Variants in KCNH8 observed in about 807,000 individuals in gnomAD.
KCNH8 encodes potassium voltage-gated channel subfamily H member 8.
KCNH8 carries 70 observed loss-of-function variants against 103.6 expected under a neutral mutation model. The observed-to-expected ratio is 0.68, with a 90% confidence interval of 0.56 to 0.82. The LOEUF (loss-of-function observed/expected upper bound fraction) is 0.82. Ranked by LOEUF, KCNH8 falls within the 40% of genes least tolerant of loss-of-function variation. The pLI, the probability that KCNH8 is intolerant of heterozygous loss-of-function variation, is 0.00. For missense variants in KCNH8, 1,217 were observed against 1,329.9 expected (o/e 0.92, Z 1.32); for synonymous variants, 498 against 489.4 (o/e 1.02, Z -0.23).
intron 1 of KCNH8, 37 bp from the exon 2 acceptor site, chr3:19,253,617 T>C: frequency 7.7e-6 from 11 of 1,427,620 alleles, no homozygotes; most frequent in South Asian, 1.1e-5. Flanking sequence ...CTCACACTTA[T>C]CTAGTTGCTG....
In KCNH8 at chr3:19,377,984, C is replaced by A. The variant is rs571183385; in HGVS notation, c.812-12497C>A. ...AAATTTATTTCTCTTTATTTTATTT[C>A]TTACCTAATGTTCTGGGTAGTCTAT... On this transcript the variant is annotated intron_variant, in intron 5 of 15. Coordinates refer to ENST00000328405, the MANE Select transcript of KCNH8 (RefSeq NM_144633.3). Among the ~76,000 whole-genome samples, 3 of 152,222 alleles carry A rather than the reference C, an allele frequency of 2.0e-5. No individual in the cohort carries two copies. The East Asian group carries it at 5.8e-4, about 29-fold the overall frequency.
chr3:19,328,159 T>C (rs2065457299), intron 3 of KCNH8, among the ~76,000 whole-genome samples: 1 of 152,204 alleles, frequency 6.6e-6, no homozygotes. Flanking sequence ...TCAAGATGTA[T>C]TAAGCATTTT....
intron 7 of KCNH8, among the ~76,000 whole-genome samples, chr3:19,405,356 CAAAT>C (rs940342424): frequency 1.6e-4 from 24 of 151,622 alleles, no homozygotes; most frequent in African/African-American, 5.6e-4. Context: ...ATAGAAATAT[CAAAT>C]AATATGTATC....
chr3:19,328,709 C>T (rs1365495925), intron 3 of KCNH8, among the ~76,000 whole-genome samples: 1 of 152,124 alleles, frequency 6.6e-6, no homozygotes, highest in East Asian at 1.9e-4. Flanking sequence ...GAGAAAAACA[C>T]ATTATCTTTC....
intron 1 of KCNH8, among the ~76,000 whole-genome samples, chr3:19,214,650 T>C (rs76408301): frequency 0.02 from 2,989 of 152,318 alleles, 94 homozygotes; most frequent in African/African-American, 0.066. Context: ...TATTCTCTTA[T>C]GTGTCTTTCC....
chr3:19,349,234 TA>T (rs1412002499), intron 5 of KCNH8, among the ~76,000 whole-genome samples: 2 of 152,114 alleles, frequency 1.3e-5, no homozygotes, highest in African/African-American at 4.8e-5. Flanking sequence ...AGGGATCTAT[TA>T]AATAATGGTT....
chr3:19,448,921 C>A lies in KCNH8; in HGVS notation c.1376-1185C>A, dbSNP rs192009484. ...ATGAACGTGCTTGACCCTCATCTTTCTCTCAGTTTCACAGTTCCAGGTGTG... is the reference window on the plus strand; with the variant it reads ...ATGAACGTGCTTGACCCTCATCTTTATCTCAGTTTCACAGTTCCAGGTGTG... On this transcript the variant is annotated intron_variant, in intron 8 of 15. Coordinates refer to ENST00000328405, the MANE Select transcript of KCNH8 (RefSeq NM_144633.3). 5 of 1,241,608 alleles carry A rather than the reference C, an allele frequency of 4.0e-6. No homozygotes were observed. The Admixed American group carries it at 6.9e-5, about 17-fold the overall frequency. The allele number at this position is 1,241,608 out of a possible 1,614,324, so 76.9% of individuals were successfully genotyped here.
chr3:19,405,414 A>C (rs1575025878), intron 7 of KCNH8, among the ~76,000 whole-genome samples: 1 of 151,992 alleles, frequency 6.6e-6, no homozygotes, highest in African/African-American at 2.4e-5. Context: ...TTTTTTAGAA[A>C]GACAATCATA....
At chr3:19,498,472 C>A (rs936333511) in intron 11 of KCNH8, among the ~76,000 whole-genome samples, 7 of 152,186 alleles carry the variant, frequency 4.6e-5, no homozygotes, top group Non-Finnish European at 7.4e-5. Context: ...TGACTTGTCT[C>A]AAAAGGATCT....
At chr3:19,492,934 C>T (rs993687922) in intron 11 of KCNH8, among the ~76,000 whole-genome samples, 1 of 151,058 alleles carries the variant, frequency 6.6e-6, no homozygotes, top group African/African-American at 2.4e-5. Context: ...TGTAGAGATC[C>T]TCCACCTCTT....
chr3:19,303,089 A>T (rs532141515), intron 3 of KCNH8, among the ~76,000 whole-genome samples: 1 of 152,288 alleles, frequency 6.6e-6, no homozygotes, highest in South Asian at 2.1e-4. Context: ...TCAAATTTCA[A>T]GATATACAAC....
intron 5 of KCNH8, among the ~76,000 whole-genome samples, chr3:19,348,807 A>C (rs946368476): frequency 1.3e-5 from 2 of 152,122 alleles, no homozygotes; most frequent in African/African-American, 4.8e-5. Context: ...GTAGGTGAAC[A>C]AAGGAGTGAG....
intron 5 of KCNH8, among the ~76,000 whole-genome samples, chr3:19,375,310 T>C (rs1362705605): frequency 4.7e-5 from 7 of 149,530 alleles, no homozygotes; most frequent in Non-Finnish European, 1.0e-4. Flanking sequence ...CATTTGTTTT[T>C]ATTCTTTTTT....
At chr3:19,260,487 GATATATATATATATATATATATAT>G (rs57661437) in intron 2 of KCNH8, among the ~76,000 whole-genome samples, 48 of 40,034 alleles carry the variant, frequency 1.2e-3, no homozygotes, top group South Asian at 5.8e-3. Flanking sequence ...TACTCTATAG[GATATATATATATATATATATATAT>G]ATATATATAT....
intron 15 of KCNH8, among the ~76,000 whole-genome samples, chr3:19,527,634 C>T (rs537313494): frequency 1.3e-5 from 2 of 152,184 alleles, no homozygotes; most frequent in South Asian, 4.1e-4. Flanking sequence ...AACAGAAGTT[C>T]TGAGGAAACC....
rs548646594 is a variant in KCNH8, at chr3:19,500,693, C to T, written c.2041-9670C>T. On this transcript the variant is annotated intron_variant, in intron 11 of 15. Transcript: ENST00000328405. The stretch of plus-strand genomic sequence containing the variant: ...TCCTCAATGACTACTGGGTACATAA[C>T]GAAATGAAGACACAAATAAAGATGT... Among the ~76,000 whole-genome samples the T allele has an allele frequency of 6.6e-5, 10 of 151,656 alleles. No individual in the cohort carries two copies. In the East Asian group the frequency reaches 9.7e-4, roughly 15 times the overall value.
chr3:19,474,522 G>A (rs541028422), intron 11 of KCNH8, among the ~76,000 whole-genome samples: 19 of 152,250 alleles, frequency 1.2e-4, no homozygotes, highest in African/African-American at 2.2e-4. Context: ...GAAGTACCTC[G>A]AAATTATGAA....
intron 1 of KCNH8, among the ~76,000 whole-genome samples, chr3:19,183,159 A>G (rs2063472112): frequency 1.3e-5 from 2 of 152,224 alleles, no homozygotes; most frequent in Admixed American, 1.3e-4. Context: ...TTCCTATTTA[A>G]TGTTGTACAG....
intron 2 of KCNH8, among the ~76,000 whole-genome samples, chr3:19,273,960 G>C (rs2064626635): frequency 6.6e-6 from 1 of 152,068 alleles, no homozygotes; most frequent in South Asian, 2.1e-4. Flanking sequence ...ATTATAAAAA[G>C]GCTTTACTGC....
Sources: gnomAD v4.1 joint callset for allele counts (sites outside exome capture counted in the v4.1 genomes callset) on GRCh38, gnomAD v4.1.1 for gene constraint, MANE v1.5 for transcripts, NCBI Gene and HGNC (gene_info 2026-07-23, HGNC 2026-07-21) for gene names.